The following PPP3R1 variants were observed in gnomAD, a reference collection of about 807,000 sequenced individuals.
PPP3R1 encodes protein phosphatase 3 regulatory subunit B, alpha.
In PPP3R1, 5 loss-of-function variants were observed where a neutral mutation model predicts 22.6. That is an observed-to-expected ratio of 0.22 (90% CI 0.12 to 0.46). PPP3R1 has a LOEUF of 0.46. PPP3R1 is among the 20% of genes least tolerant of loss of function. The pLI is 0.99. For synonymous variants in PPP3R1, 56 were observed against 65.2 expected (o/e 0.86, Z 0.68); for missense variants, 61 against 203.2 (o/e 0.30, Z 4.25).
Position 68,180,785 on chromosome 2 carries a change from G to A in PPP3R1, c.*178C>T. On this transcript the variant is annotated 3_prime_UTR_variant, in exon 6 of 6. Coordinates refer to ENST00000234310, the MANE Select transcript of PPP3R1 (RefSeq NM_000945.4). Reference sequence around the variant, plus strand: ...CTTTAAAGTGCTACACTGAGTTATTGAGAGAATTACAGTTCAATAACACTT... The same window carrying A: ...CTTTAAAGTGCTACACTGAGTTATTAAGAGAATTACAGTTCAATAACACTT... 1 of 617,684 alleles carries A rather than the reference G, an allele frequency of 1.6e-6. No individual in the cohort carries two copies. Among genetic ancestry groups the A allele is most frequent in the Admixed American group, 2.8e-5 (1 of 35,292 alleles). 38.3% of individuals were successfully genotyped at this position (617,684 alleles called of 1,614,324 possible).
rs1674359986 is a variant in PPP3R1 at position 68,179,610 on chromosome 2, T to TG, written c.*1352dup. ...TACTGTCATACAAAGCTAACCAAAA[T>TG]GTTTTTCTTCCAGCTAACAGTACCT... On this transcript the variant is annotated 3_prime_UTR_variant, in exon 6 of 6. Coordinates refer to ENST00000234310, the MANE Select transcript of PPP3R1 (RefSeq NM_000945.4). 1 of 152,174 alleles carries TG rather than the reference T, an allele frequency of 6.6e-6. No homozygotes were observed. Among genetic ancestry groups the TG allele is most frequent in the South Asian group, 2.1e-4 (1 of 4,834 alleles). 9.4% of individuals were successfully genotyped at this position (152,174 alleles called of 1,614,324 possible).
At chr2:68,224,420 G>T (rs1251870966) in intron 1 of PPP3R1, among the ~76,000 whole-genome samples, 1 of 152,252 alleles carries the variant, frequency 6.6e-6, no homozygotes, top group African/African-American at 2.4e-5. Context: ...CAGCACTTTG[G>T]GAGGCCGAGG....
intron 1 of PPP3R1, among the ~76,000 whole-genome samples, chr2:68,239,122 G>C (rs1176233346): frequency 2.0e-5 from 3 of 152,184 alleles, no homozygotes; most frequent in Non-Finnish European, 4.4e-5. Flanking sequence ...GAAGAGTTGT[G>C]CAATAAATTG....
chr2:68,213,888 C>G (rs981917592), intron 2 of PPP3R1, among the ~76,000 whole-genome samples: 6 of 152,146 alleles, frequency 3.9e-5, no homozygotes, highest in Non-Finnish European at 8.8e-5. Context: ...AAGAATAAAG[C>G]TGGAGACATC....
chr2:68,198,050 C>T (rs185271331), intron 2 of PPP3R1, among the ~76,000 whole-genome samples: 11 of 98,160 alleles, frequency 1.1e-4, no homozygotes, highest in African/African-American at 2.8e-4. Flanking sequence ...CCCTTTACAA[C>T]GGCACCTTTG....
intron 1 of PPP3R1, among the ~76,000 whole-genome samples, chr2:68,240,060 A>G (rs571639608): frequency 6.6e-6 from 1 of 152,370 alleles, no homozygotes; most frequent in Non-Finnish European, 1.5e-5. Context: ...AGGCTAGACT[A>G]AGATGTACAT....
At chr2:68,207,229 A>G (rs1403082987) in intron 2 of PPP3R1, among the ~76,000 whole-genome samples, 1 of 151,952 alleles carries the variant, frequency 6.6e-6, no homozygotes, top group Non-Finnish European at 1.5e-5. Flanking sequence ...GATAAAAAAA[A>G]AAAAAAAGCA....
intron 2 of PPP3R1, among the ~76,000 whole-genome samples, chr2:68,191,189 T>A (rs1674659680): frequency 6.6e-6 from 1 of 152,200 alleles, no homozygotes; most frequent in African/African-American, 2.4e-5. Context: ...AACACATCAT[T>A]AGATTTCATC....
intron 2 of PPP3R1, among the ~76,000 whole-genome samples, chr2:68,211,948 C>A (rs1207368158): frequency 1.3e-5 from 2 of 152,196 alleles, no homozygotes; most frequent in African/African-American, 4.8e-5. Context: ...CCATGAAAGC[C>A]CTGAACCCCT....
At chr2:68,207,330 G>GTA (rs1227569142) in intron 2 of PPP3R1, among the ~76,000 whole-genome samples, 2 of 151,900 alleles carry the variant, frequency 1.3e-5, no homozygotes, top group Non-Finnish European at 2.9e-5. Flanking sequence ...ACAATGACAA[G>GTA]TATAGATCTT....
chr2:68,233,216 C>T (rs1278038755), intron 1 of PPP3R1, among the ~76,000 whole-genome samples: 1 of 152,200 alleles, frequency 6.6e-6, no homozygotes, highest in East Asian at 1.9e-4. Flanking sequence ...TTCTCATTAA[C>T]TCACTATACT....
intron 5 of PPP3R1, 22 bp downstream of exon 5, chr2:68,186,446 G>T: frequency 1.3e-6 from 2 of 1,569,238 alleles, no homozygotes; most frequent in Non-Finnish European, 1.7e-6. Context: ...ACTAACGGAA[G>T]AACCAGCTCT....
chr2:68,218,444 T>G (rs1572966833), intron 1 of PPP3R1, among the ~76,000 whole-genome samples: 1 of 152,166 alleles, frequency 6.6e-6, no homozygotes, highest in East Asian at 1.9e-4. Flanking sequence ...TAGGTCACTT[T>G]AAATATCAAA....
chr2:68,202,805 T>A (rs1382244558), intron 2 of PPP3R1, among the ~76,000 whole-genome samples: 1 of 127,856 alleles, frequency 7.8e-6, no homozygotes, highest in Non-Finnish European at 1.6e-5. Context: ...TTTTTTTTTT[T>A]TTTTTTTTTT....
At chr2:68,242,935 T>C (rs1480530201) in intron 1 of PPP3R1, among the ~76,000 whole-genome samples, 1 of 152,130 alleles carries the variant, frequency 6.6e-6, no homozygotes, top group Non-Finnish European at 1.5e-5. Context: ...CATACCTAAT[T>C]CTAACATAAA....
At chr2:68,250,192 T>C (rs529472487) in intron 1 of PPP3R1, among the ~76,000 whole-genome samples, 38 of 148,802 alleles carry the variant, frequency 2.6e-4, no homozygotes, top group South Asian at 6.3e-4. Context: ...AAATAAATAC[T>C]GAAAAGGGAG....
intron 2 of PPP3R1, among the ~76,000 whole-genome samples, chr2:68,200,808 A>T (rs1459204369): frequency 3.3e-5 from 5 of 152,178 alleles, no homozygotes; most frequent in Admixed American, 2.0e-4. Context: ...ACCATGTTTT[A>T]CTAAGACGTC....
Position 68,211,354 on chromosome 2 carries a change from C to G in PPP3R1, c.43+5738G>C, listed in dbSNP as rs1669478536. ...CCTGGGAGGCGGAGCTTGCAGTGAG[C>G]CAAGATTGCGCCACTGCACTCCAGC... is the stretch of plus-strand genomic sequence containing the variant. On this transcript the variant is annotated intron_variant, in intron 2 of 5. Transcript: ENST00000234310. Among the ~76,000 whole-genome samples, 3 of 135,130 alleles carry G rather than the reference C, an allele frequency of 2.2e-5. No homozygotes were observed. The East Asian group carries it at 6.8e-4, about 31-fold the overall frequency. 88.7% of individuals were successfully genotyped at this position (135,130 alleles called of 152,430 possible). A position where few individuals can be genotyped will look rare whatever the true frequency, so the allele number is the denominator to read the frequency against.
intron 5 of PPP3R1, among the ~76,000 whole-genome samples, chr2:68,185,116 G>T (rs2103716831): frequency 6.6e-6 from 1 of 151,972 alleles, no homozygotes; most frequent in Non-Finnish European, 1.5e-5. Flanking sequence ...CTACTCAAGA[G>T]GCTGAGGCAG....
Sources: allele counts gnomAD v4.1 joint callset (sites outside exome capture counted in the v4.1 genomes callset), GRCh38; gene constraint gnomAD v4.1.1; transcripts MANE v1.5; gene names NCBI Gene and HGNC (gene_info 2026-07-23, HGNC 2026-07-21).